Variants in MACROD2 observed in about 807,000 individuals in gnomAD.
The protein encoded by MACROD2 is mono-ADP ribosylhydrolase 2.
A neutral mutation model predicts 70.4 loss-of-function variants in MACROD2; 36 were observed. The observed-to-expected ratio is 0.51, with a 90% CI of 0.39 to 0.68. The LOEUF (loss-of-function observed/expected upper bound fraction) is 0.68, where lower values mean the gene tolerates loss of function less well. Among genes scored for constraint, MACROD2 ranks in the 30% least tolerant of loss-of-function variants. MACROD2 has a pLI of 0.00. For missense variants in MACROD2, 496 were observed against 538.4 expected, an observed-to-expected ratio of 0.92 and a Z score of 0.78; for synonymous variants, 172 against 178.8, an observed-to-expected ratio of 0.96 and a Z score of 0.30.
chr20:14,191,887 A>G (rs1213065821), intron 3 of MACROD2, among the ~76,000 whole-genome samples: 3 of 150,396 alleles, frequency 2.0e-5, no homozygotes, highest in Non-Finnish European at 4.4e-5. Flanking sequence ...TTTGCCCTGA[A>G]TGAGATGAGG....
intron 4 of MACROD2, among the ~76,000 whole-genome samples, chr20:14,558,070 C>A (rs1979165362): frequency 6.6e-6 from 1 of 151,466 alleles, no homozygotes; most frequent in African/African-American, 2.4e-5. Context: ...GACAAATGAA[C>A]TTTGGAAAAC....
chr20:14,622,233 T>G (rs1420553828), intron 4 of MACROD2, among the ~76,000 whole-genome samples: 2 of 152,096 alleles, frequency 1.3e-5, no homozygotes, highest in Admixed American at 1.3e-4. Flanking sequence ...TAGTTTTATA[T>G]CCCATGACAT....
intron 5 of MACROD2, among the ~76,000 whole-genome samples, chr20:15,022,051 T>C (rs1308473204): frequency 2.6e-5 from 4 of 152,196 alleles, no homozygotes; most frequent in African/African-American, 9.6e-5. Context: ...ATACATCTAC[T>C]ACTGTGCATG....
At chr20:15,277,021 G>T (rs1385961315) in intron 6 of MACROD2, among the ~76,000 whole-genome samples, 1 of 152,196 alleles carries the variant, frequency 6.6e-6, no homozygotes, top group Non-Finnish European at 1.5e-5. Context: ...AAGTCAGCTA[G>T]CTTCAACGTT....
At chr20:15,154,811 A>G (rs762190122) in intron 5 of MACROD2, among the ~76,000 whole-genome samples, 21 of 152,142 alleles carry the variant, frequency 1.4e-4, no homozygotes, top group Non-Finnish European at 2.6e-4. Flanking sequence ...ATTTTGGGGG[A>G]ACACAAACAT....
intron 15 of MACROD2, among the ~76,000 whole-genome samples, chr20:16,025,913 A>C (rs1248367642): frequency 6.6e-6 from 1 of 152,008 alleles, no homozygotes; most frequent in African/African-American, 2.4e-5. Context: ...TGGGACACCA[A>C]GACAGGTGGA....
chr20:14,933,659 T>C (rs1425499326), intron 5 of MACROD2, among the ~76,000 whole-genome samples: 1 of 152,024 alleles, frequency 6.6e-6, no homozygotes, highest in Non-Finnish European at 1.5e-5. Flanking sequence ...GTAAAGTTTC[T>C]ATTGGAGTAA....
At chr20:15,515,684 T>G (rs2047557340) in intron 8 of MACROD2, among the ~76,000 whole-genome samples, 1 of 152,218 alleles carries the variant, frequency 6.6e-6, no homozygotes, top group Non-Finnish European at 1.5e-5. Flanking sequence ...AATTGTTTCT[T>G]AAATGATGGA....
chr20:14,784,198 C>G (rs2072335987), intron 5 of MACROD2, among the ~76,000 whole-genome samples: 1 of 152,104 alleles, frequency 6.6e-6, no homozygotes, highest in Admixed American at 6.5e-5. Flanking sequence ...GATGCCATTT[C>G]CCTGCTAGCT....
chr20:14,808,760 G>C (rs190139918), intron 5 of MACROD2, among the ~76,000 whole-genome samples: 327 of 127,918 alleles, frequency 2.6e-3, no homozygotes, highest in African/African-American at 8.4e-3. Flanking sequence ...AAAATGGAAA[G>C]AAAAAAAAAA....
chr20:15,380,011 TCTTGGGTC>T (rs2045619559), intron 6 of MACROD2, among the ~76,000 whole-genome samples: 1 of 111,058 alleles, frequency 9.0e-6, no homozygotes, highest in South Asian at 2.5e-4. Flanking sequence ...TCTTGGGTCC[TCTTGGGTC>T]CTGTTGTTCC....
At chr20:14,076,139 G>T (rs2053913441) in intron 2 of MACROD2, among the ~76,000 whole-genome samples, 1 of 152,138 alleles carries the variant, frequency 6.6e-6, no homozygotes, top group Non-Finnish European at 1.5e-5. Context: ...AAAGCTGTAA[G>T]ATCTGTTTGC....
intron 3 of MACROD2, among the ~76,000 whole-genome samples, chr20:14,363,586 C>G (rs1044976505): frequency 6.7e-6 from 1 of 150,250 alleles, no homozygotes; most frequent in Non-Finnish European, 1.5e-5. Flanking sequence ...TTTGGGAGGC[C>G]GAGGTGGGCG....
intron 8 of MACROD2, among the ~76,000 whole-genome samples, chr20:15,767,656 T>C (rs1253132766): frequency 6.6e-6 from 1 of 152,228 alleles, no homozygotes; most frequent in African/African-American, 2.4e-5. Flanking sequence ...TTAAGTCTTA[T>C]AGATTGTGTT....
At chr20:14,321,347 A>C (rs1212854255) in intron 3 of MACROD2, among the ~76,000 whole-genome samples, 1 of 131,628 alleles carries the variant, frequency 7.6e-6, no homozygotes, top group African/African-American at 2.9e-5. Context: ...CCTGGATAAC[A>C]GAGTGATACT....
chr20:14,467,593 C>T (rs1600269959), intron 3 of MACROD2, among the ~76,000 whole-genome samples: 1 of 152,200 alleles, frequency 6.6e-6, no homozygotes, highest in East Asian at 1.9e-4. Context: ...GTTGGAAATG[C>T]AGAAATCACC....
At chr20:14,169,387 C>T (rs2081199516) in intron 3 of MACROD2, among the ~76,000 whole-genome samples, 5 of 152,112 alleles carry the variant, frequency 3.3e-5, no homozygotes, top group Admixed American at 3.3e-4. Context: ...TCACTGCAAC[C>T]TCCGCCTACT....
intron 2 of MACROD2, among the ~76,000 whole-genome samples, chr20:14,023,389 A>C (rs1256274304): frequency 6.6e-6 from 1 of 152,150 alleles, no homozygotes; most frequent in African/African-American, 2.4e-5. Context: ...ACTGTGCAGA[A>C]GTTCTTTAGT....
intron 8 of MACROD2, among the ~76,000 whole-genome samples, chr20:15,736,975 AG>A: frequency 6.6e-6 from 1 of 152,366 alleles, no homozygotes; most frequent in Admixed American, 6.5e-5. Context: ...GAATAAAAAA[AG>A]TAAATAACCA....
Sources: gnomAD v4.1 joint callset for allele counts (sites outside exome capture counted in the v4.1 genomes callset) on GRCh38, gnomAD v4.1.1 for gene constraint, MANE v1.5 for transcripts, NCBI Gene and HGNC (gene_info 2026-07-23, HGNC 2026-07-21) for gene names.